Variants in CAMTA1 observed in about 807,000 individuals in gnomAD.
The protein encoded by CAMTA1 is calmodulin-binding transcription activator 1.
Under a neutral mutation model 170.9 loss-of-function variants are expected in CAMTA1, and 27 were observed. The ratio of observed to expected loss-of-function variants is 0.16; its 90% CI spans 0.12 to 0.22. The LOEUF is 0.22. Ranked by LOEUF, CAMTA1 falls within the 10% of genes least tolerant of loss-of-function variation. CAMTA1 has a pLI of 1.00. For missense variants in CAMTA1, 1,619 were observed against 2,217.2 expected, an observed-to-expected ratio of 0.73 and a Z score of 5.42; for synonymous variants, 833 against 891.5, an observed-to-expected ratio of 0.93 and a Z score of 1.17.
rs1458176506 is a variant in CAMTA1, at chr1:7,333,920, T to C, written c.438+84294T>C. 6.6e-6 allele frequency among the ~76,000 whole-genome samples: 1 copy of C among 152,120 alleles called. No individual in the cohort carries two copies. The highest frequency in any genetic ancestry group is 1.5e-5 in the Non-Finnish European group (1 of 68,010). On this transcript the variant is annotated intron_variant, in intron 5 of 22. Transcript: ENST00000303635. This position sits in a 1 kb window ranked among gnomAD's most constrained non-coding sequence, Gnocchi z 4.4. The stretch of plus-strand genomic sequence containing the variant: ...CATTTATCAAGGAAAGAGGTGGGGT[T>C]GGAAACTGCCAAGCAGCAGGGCCGC...
chr1:7,346,666 C>A (rs1399979095), intron 5 of CAMTA1, among the ~76,000 whole-genome samples: 1 of 152,172 alleles, frequency 6.6e-6, no homozygotes, highest in African/African-American at 2.4e-5. Flanking sequence ...CCTCCAGAAG[C>A]AGGGTAGGCT....
At chr1:7,764,491 G>C (rs80221561) in intron 22 of CAMTA1, among the ~76,000 whole-genome samples, 2 of 152,190 alleles carry the variant, frequency 1.3e-5, no homozygotes, top group Non-Finnish European at 2.9e-5. Context: ...TGAAGAGATT[G>C]TATCAACTTT....
intron 3 of CAMTA1, among the ~76,000 whole-genome samples, chr1:6,911,408 T>C (rs1679651463): frequency 1.3e-5 from 2 of 152,158 alleles, no homozygotes; most frequent in African/African-American, 4.8e-5. Context: ...TGTGAGTAAT[T>C]ATCGTCAACA....
intron 5 of CAMTA1, among the ~76,000 whole-genome samples, chr1:7,345,629 T>C (rs932111748): frequency 6.6e-6 from 1 of 152,204 alleles, no homozygotes. Flanking sequence ...GTCCTGGGAA[T>C]AACAGGCTGC....
Position 7,534,963 on chromosome 1 carries a change from G to C in CAMTA1, c.510+67062G>C, listed in dbSNP as rs1268751255. Among the ~76,000 whole-genome samples the C allele has an allele frequency of 6.6e-6, 1 of 152,128 alleles. No homozygotes were observed. Among genetic ancestry groups the C allele is most frequent in the Non-Finnish European group, 1.5e-5 (1 of 68,020 alleles). On this transcript the variant is annotated intron_variant, in intron 6 of 22. Coordinates refer to ENST00000303635, the MANE Select transcript of CAMTA1 (RefSeq NM_015215.4). The surrounding 1 kb of genome is among the most constrained non-coding windows in gnomAD (Gnocchi z 5.6). ...GAGGGCAGAGGGAAGGGAAGAGGAG[G>C]GGAAGGGAGTGAAGGAGAGAGGAGG...
At chr1:7,644,306 T>A (rs1467694854) in intron 7 of CAMTA1, among the ~76,000 whole-genome samples, 3 of 151,996 alleles carry the variant, frequency 2.0e-5, no homozygotes, top group Non-Finnish European at 4.4e-5. Flanking sequence ...TTCCTTCAGA[T>A]GAAAAAAAAC....
intron 5 of CAMTA1, among the ~76,000 whole-genome samples, chr1:7,351,374 C>T (rs1024187051): frequency 2.6e-5 from 4 of 152,268 alleles, no homozygotes; most frequent in Non-Finnish European, 5.9e-5. Context: ...GCTCCTGAGC[C>T]GGCCCACATG....
chr1:7,684,721 C>T (rs763795901), intron 11 of CAMTA1, among the ~76,000 whole-genome samples: 1 of 152,212 alleles, frequency 6.6e-6, no homozygotes, highest in Non-Finnish European at 1.5e-5. Context: ...TTACTAATTA[C>T]AAAGACTCCA....
rs200078209 is a variant in CAMTA1, at chr1:7,230,441, CCCCG to C, written c.303-19046_303-19043del. Among the ~76,000 whole-genome samples the C allele has an allele frequency of 5.8e-3, 504 of 86,620 alleles. 83 individuals carry two copies. Among genetic ancestry groups the C allele is most frequent in the African/African-American group, 0.019 (360 of 18,606 alleles). 56.8% of individuals were successfully genotyped at this position (86,620 alleles called of 152,430 possible). Reference sequence around the variant, plus strand: ...CTGCTGCTCTGGGCTGACCCCCCCCCCCCGCCCCGCAAAGCTCTGTGGAAAGCGC... The same window carrying C: ...CTGCTGCTCTGGGCTGACCCCCCCCCCCCCGCAAAGCTCTGTGGAAAGCGC... On this transcript the variant is annotated intron_variant, in intron 4 of 22. Transcript: ENST00000303635.
chr1:7,351,995 G>A (rs2084712143), intron 5 of CAMTA1, among the ~76,000 whole-genome samples: 1 of 152,208 alleles, frequency 6.6e-6, no homozygotes. Flanking sequence ...AAACAGAAAA[G>A]CAGAGAGCAG....
At chr1:7,564,650 G>A (rs954721472) in intron 6 of CAMTA1, among the ~76,000 whole-genome samples, 4 of 152,114 alleles carry the variant, frequency 2.6e-5, no homozygotes, top group African/African-American at 4.8e-5. Flanking sequence ...GTGTGTGTGT[G>A]TGCGTGTGAC....
intron 21 of CAMTA1, among the ~76,000 whole-genome samples, chr1:7,753,279 T>G (rs536543740): frequency 6.6e-6 from 1 of 152,370 alleles, no homozygotes; most frequent in South Asian, 2.1e-4. Context: ...TACTTAGATT[T>G]CAGAGGGCTG....
intron 3 of CAMTA1, among the ~76,000 whole-genome samples, chr1:7,047,479 C>T (rs1015143043): frequency 6.6e-6 from 1 of 152,146 alleles, no homozygotes; most frequent in African/African-American, 2.4e-5. Flanking sequence ...TTACATTTCT[C>T]CATTGTCCCT....
Position 7,463,460 on chromosome 1 carries a change from CAGAG to C in CAMTA1, c.439-4365_439-4362del, listed in dbSNP as rs1476510879. Among the ~76,000 whole-genome samples the C allele has an allele frequency of 1.3e-5, 2 of 149,226 alleles. No individual in the cohort carries two copies. The highest frequency in any genetic ancestry group is 2.5e-5 in the African/African-American group (1 of 40,280). On this transcript the variant is annotated intron_variant, in intron 5 of 22. Coordinates refer to ENST00000303635, the MANE Select transcript of CAMTA1 (RefSeq NM_015215.4). This position sits in a 1 kb window ranked among gnomAD's most constrained non-coding sequence, Gnocchi z 4.7. ...ACAGATGGGGGAAATGGGAGAGAGA[CAGAG>C]AGAGGACAAGACAGCTGCAGAGATG... is the stretch of plus-strand genomic sequence containing the variant.
chr1:7,344,797 G>C (rs1016760229), intron 5 of CAMTA1, among the ~76,000 whole-genome samples: 1 of 150,874 alleles, frequency 6.6e-6, no homozygotes, highest in Non-Finnish European at 1.5e-5. Context: ...GCCCAGGCTG[G>C]AGTGCAGTGG....
intron 5 of CAMTA1, among the ~76,000 whole-genome samples, chr1:7,277,263 A>G (rs1670852065): frequency 6.6e-6 from 1 of 152,230 alleles, no homozygotes; most frequent in East Asian, 1.9e-4. Flanking sequence ...AGCTAAAAGG[A>G]TTTATAAAAA....
intron 3 of CAMTA1, among the ~76,000 whole-genome samples, chr1:6,912,793 C>T (rs1045553867): frequency 4.6e-5 from 7 of 152,210 alleles, no homozygotes; most frequent in African/African-American, 7.2e-5. Context: ...GGGAGCCAGG[C>T]GTGCTGCCCG....
chr1:6,806,309 G>A (rs902977732), intron 1 of CAMTA1, among the ~76,000 whole-genome samples: 1 of 152,102 alleles, frequency 6.6e-6, no homozygotes, highest in African/African-American at 2.4e-5. Flanking sequence ...CTTTAACTCT[G>A]TTCTTCTTTT....
chr1:7,742,596 G>A (rs865959743), intron 16 of CAMTA1, among the ~76,000 whole-genome samples: 7 of 152,250 alleles, frequency 4.6e-5, no homozygotes, highest in Admixed American at 3.3e-4. Flanking sequence ...AATGAGTGAC[G>A]TGACTTTTCA....
Sources: allele counts gnomAD v4.1 joint callset (sites outside exome capture counted in the v4.1 genomes callset), GRCh38; gene constraint gnomAD v4.1.1; non-coding constraint Gnocchi (gnomAD v3.1); transcripts MANE v1.5; gene names NCBI Gene and HGNC (gene_info 2026-07-23, HGNC 2026-07-21).